Variants in KIAA1217 observed in about 807,000 individuals in gnomAD.
The protein encoded by KIAA1217 is sickle tail protein homolog.
A neutral mutation model predicts 163.9 loss-of-function variants in KIAA1217; 88 were observed. The ratio of observed to expected loss-of-function variants is 0.54; its 90% confidence interval spans 0.45 to 0.64. The LOEUF is 0.64. Ranked by LOEUF, KIAA1217 falls within the 30% of genes least tolerant of loss-of-function variation. The pLI is 0.00. For missense variants in KIAA1217, 2,372 were observed against 2,475.0 expected (o/e 0.96, Z 0.88); for synonymous variants, 903 against 923.1 (o/e 0.98, Z 0.39).
intron 2 of KIAA1217, among the ~76,000 whole-genome samples, chr10:24,362,042 A>C (rs995021279): frequency 3.3e-5 from 5 of 152,106 alleles, no homozygotes; most frequent in African/African-American, 9.7e-5. Flanking sequence ...TGTATCAAAA[A>C]GATATGCAAA....
Position 24,473,435 on chromosome 10 carries a change from T to C in KIAA1217, c.1054T>C (p.Ser352Pro), listed in dbSNP as rs768185967. 1.9e-5 allele frequency: 30 copies of C among 1,613,858 alleles called. No homozygotes were observed. The East Asian group carries it at 5.8e-4, about 31-fold the overall frequency. ...GNATIPRDRI[S>P]SLPVSRPISP... ...TGCCACCATCCCCAGGGACAGAATC[T>C]CCAGCCTGCCAGTCTCCAGACCCAT... The change falls in exon 6 of 21, where the codon TCC becomes CCC. Residue 352 changes from serine to proline, a missense_variant. Physicochemically the swap from Ser to Pro is moderately conservative, Grantham distance 74 (BLOSUM62 -1). This residue lies in a region of KIAA1217 where 1,431 missense variants were observed against 1,470.3 expected (regional missense o/e 0.97). Coordinates refer to ENST00000376454, the MANE Select transcript of KIAA1217 (RefSeq NM_019590.5).
chr10:24,381,183 C>G (rs2053246524), intron 3 of KIAA1217, 116 bp downstream of exon 3: 2 of 772,822 alleles, frequency 2.6e-6, no homozygotes, highest in Non-Finnish European at 3.7e-6. Flanking sequence ...TGCAAATACT[C>G]TAGTACTGGG....
At chr10:24,499,489 T>A (rs1219809256) in intron 8 of KIAA1217, among the ~76,000 whole-genome samples, 2 of 152,100 alleles carry the variant, frequency 1.3e-5, no homozygotes, top group African/African-American at 4.8e-5. Context: ...TCCCAGCACT[T>A]TGGGAGGCCG....
chr10:24,142,986 C>G (rs1472875322), intron 2 of KIAA1217, among the ~76,000 whole-genome samples: 2 of 152,084 alleles, frequency 1.3e-5, no homozygotes, highest in Non-Finnish European at 2.9e-5. Flanking sequence ...TTTCGTATAC[C>G]CTTAAAAAGC....
chr10:23,764,841 G>A (rs917675550), intron 1 of KIAA1217, among the ~76,000 whole-genome samples: 3 of 152,138 alleles, frequency 2.0e-5, no homozygotes, highest in African/African-American at 7.2e-5. Flanking sequence ...GTCAATAGGT[G>A]CAGCAAACCA....
intron 2 of KIAA1217, among the ~76,000 whole-genome samples, chr10:24,342,877 C>T (rs1212439059): frequency 2.6e-5 from 4 of 151,932 alleles, no homozygotes; most frequent in African/African-American, 4.8e-5. Context: ...AGGCTGGTCT[C>T]GAACTCCTAA....
At chr10:24,512,531 G>T (rs2069352575) in intron 9 of KIAA1217, among the ~76,000 whole-genome samples, 1 of 152,126 alleles carries the variant, frequency 6.6e-6, no homozygotes, top group Non-Finnish European at 1.5e-5. Context: ...GAACTGTTTG[G>T]AAATTGTGAG....
chr10:24,052,789 A>G (rs1221536648), intron 2 of KIAA1217, among the ~76,000 whole-genome samples: 2 of 152,120 alleles, frequency 1.3e-5, no homozygotes, highest in Non-Finnish European at 2.9e-5. Context: ...ATATTGTTAT[A>G]TGCTATATAT....
chr10:24,044,107 T>C (rs1468277375), intron 2 of KIAA1217, among the ~76,000 whole-genome samples: 1 of 152,172 alleles, frequency 6.6e-6, no homozygotes. Flanking sequence ...GACTGGATTA[T>C]TTTTGAAAGA....
intron 1 of KIAA1217, among the ~76,000 whole-genome samples, chr10:23,936,593 G>GT (rs2131325422): frequency 6.6e-6 from 1 of 152,246 alleles, no homozygotes; most frequent in Admixed American, 6.5e-5. Flanking sequence ...TAGAGGCTGA[G>GT]ATTAGAGTGA....
chr10:24,328,781 A>T (rs17384570), intron 2 of KIAA1217, among the ~76,000 whole-genome samples: 2 of 151,776 alleles, frequency 1.3e-5, no homozygotes, highest in South Asian at 4.1e-4. Context: ...GTTTGATTCT[A>T]TGCACTGAGC....
intron 2 of KIAA1217, among the ~76,000 whole-genome samples, chr10:24,093,807 C>T (rs1266467988): frequency 8.6e-6 from 1 of 115,950 alleles, no homozygotes; most frequent in African/African-American, 3.4e-5. Context: ...CCCCTCCCCC[C>T]ACCCCACAAC....
intron 2 of KIAA1217, among the ~76,000 whole-genome samples, chr10:24,118,939 G>GT (rs1325979717): frequency 6.1e-4 from 91 of 149,938 alleles, no homozygotes; most frequent in Non-Finnish European, 9.8e-4. Flanking sequence ...CTTTGTCTTT[G>GT]TTTTTTTTTC....
At chr10:24,231,222 G>A (rs566391104) in intron 2 of KIAA1217, among the ~76,000 whole-genome samples, 46 of 152,222 alleles carry the variant, frequency 3.0e-4, no homozygotes, top group East Asian at 1.4e-3. Flanking sequence ...TGAGCTGGGG[G>A]GATCATCCAT....
chr10:24,375,812 A>G (rs989783476), intron 2 of KIAA1217, among the ~76,000 whole-genome samples: 6 of 152,244 alleles, frequency 3.9e-5, no homozygotes, highest in Non-Finnish European at 5.9e-5. Context: ...CGTAATCTGA[A>G]GCAAAGTGAA....
chr10:23,709,714 C>A (rs2130731546), intron 1 of KIAA1217, among the ~76,000 whole-genome samples: 1 of 152,016 alleles, frequency 6.6e-6, no homozygotes, highest in South Asian at 2.1e-4. Flanking sequence ...TCATCTAACC[C>A]TTTTTACTAT....
At chr10:24,228,505 C>A (rs1022129130) in intron 2 of KIAA1217, among the ~76,000 whole-genome samples, 3 of 152,104 alleles carry the variant, frequency 2.0e-5, no homozygotes, top group Non-Finnish European at 4.4e-5. Context: ...CTTACACACA[C>A]AAATCTTATT....
intron 1 of KIAA1217, among the ~76,000 whole-genome samples, chr10:23,749,295 A>G (rs1383939301): frequency 6.6e-6 from 1 of 152,160 alleles, no homozygotes; most frequent in Non-Finnish European, 1.5e-5. Flanking sequence ...CCTTCTTGAA[A>G]TGTTTTTCTT....
intron 1 of KIAA1217, among the ~76,000 whole-genome samples, chr10:23,959,694 G>T (rs1844735191): frequency 6.6e-6 from 1 of 152,084 alleles, no homozygotes; most frequent in Admixed American, 6.5e-5. Flanking sequence ...CCATAGGGAG[G>T]TATGACTGGA....
Sources: gnomAD v4.1 joint callset for allele counts (sites outside exome capture counted in the v4.1 genomes callset) on GRCh38, gnomAD v4.1.1 for gene constraint, gnomAD v4.1.1 regional missense constraint, MANE v1.5 for transcripts, NCBI Gene and HGNC (gene_info 2026-07-23, HGNC 2026-07-21) for gene names.